ATM: variants seen among roughly 807,000 people sequenced by gnomAD.
ATM encodes the protein serine-protein kinase ATM.
ATM carries 308 observed loss-of-function variants against 387.0 expected under a neutral mutation model. The observed-to-expected ratio is 0.80, with a 90% confidence interval of 0.73 to 0.87. The LOEUF is 0.87. ATM is among the 40% of genes least tolerant of loss of function. ATM has a pLI of 0.00. For synonymous variants in ATM, 1,156 were observed against 1,187.3 expected, an observed-to-expected ratio of 0.97 and a Z score of 0.54; for missense variants, 3,312 against 3,560.9, an observed-to-expected ratio of 0.93 and a Z score of 1.78.
At chr11:108,224,039 G>A (rs1013743428) in intron 1 of ATM, 5 of 152,206 alleles carry the variant, frequency 3.3e-5, no homozygotes, top group South Asian at 2.1e-4. Flanking sequence ...GGAGACTTTC[G>A]AAACAGTCAT....
chr11:108,318,797 A>G (rs1220071872), intron 43 of ATM, among the ~76,000 whole-genome samples: 1 of 152,184 alleles, frequency 6.6e-6, no homozygotes, highest in Admixed American at 6.5e-5. Context: ...CTAATAAAGG[A>G]TTTCATATTT....
At chr11:108,267,830 C>T (rs1200651844) in intron 17 of ATM, among the ~76,000 whole-genome samples, 1 of 152,190 alleles carries the variant, frequency 6.6e-6, no homozygotes, top group Non-Finnish European at 1.5e-5. Context: ...TGCATTCCAG[C>T]CTGGGCGACA....
At chr11:108,351,644 T>C (rs1489650409) in intron 59 of ATM, among the ~76,000 whole-genome samples, 1 of 152,176 alleles carries the variant, frequency 6.6e-6, no homozygotes, top group African/African-American at 2.4e-5. Context: ...TCCACAATAG[T>C]GTCCTGGACC....
At chr11:108,349,648 G>A (rs1330220921) in intron 59 of ATM, among the ~76,000 whole-genome samples, 2 of 152,090 alleles carry the variant, frequency 1.3e-5, no homozygotes, top group African/African-American at 4.8e-5. Flanking sequence ...GGGCGGCAGA[G>A]CAAGACTGTC....
rs576757585 is a variant in ATM, at chr11:108,333,688, T to C, written c.7928-198T>C. Among the ~76,000 whole-genome samples, 3 of 152,346 alleles carry C rather than the reference T, an allele frequency of 2.0e-5. No homozygotes were observed. The South Asian group carries it at 6.2e-4, about 32-fold the overall frequency. ...CTTGTCAGGTAACCTGCAAATTTAC[T>C]TGAAGCTACATTAACCACTGTTGAG... On this transcript the variant is annotated intron_variant, in intron 53 of 62. Transcript: ENST00000675843.
At chr11:108,258,295 A>T (rs986174730) in intron 15 of ATM, among the ~76,000 whole-genome samples, 2 of 152,230 alleles carry the variant, frequency 1.3e-5, no homozygotes, top group African/African-American at 4.8e-5. Context: ...TTCTCATGAA[A>T]CTAATTTTAT....
chr11:108,302,797 A>G (rs2135925461), intron 35 of ATM, 56 bp from the exon 36 acceptor site: 1 of 1,485,820 alleles, frequency 6.7e-7, no homozygotes, highest in Non-Finnish European at 9.4e-7. Context: ...TTGTGTAGGA[A>G]AGGTACAATG....
chr11:108,359,806 G>A (rs1275101540), intron 61 of ATM, among the ~76,000 whole-genome samples: 6 of 152,120 alleles, frequency 3.9e-5, no homozygotes, highest in South Asian at 2.1e-4. Flanking sequence ...AGTGTGTAGA[G>A]GGAAATTTAT....
intron 1 of ATM, chr11:108,224,169 T>C (rs185303779): frequency 6.6e-6 from 1 of 152,174 alleles, no homozygotes; most frequent in Non-Finnish European, 1.5e-5. Context: ...CTTTTATCAT[T>C]GAGAAACTGA....
At chr11:108,231,729 A>T (rs2079023514) in intron 4 of ATM, 1 of 151,260 alleles carries the variant, frequency 6.6e-6, no homozygotes, top group Non-Finnish European at 1.5e-5. Flanking sequence ...AGAATCAGGA[A>T]AGCCCCCAAA....
chr11:108,245,588 A>G (rs2079807024), intron 7 of ATM, among the ~76,000 whole-genome samples: 1 of 152,032 alleles, frequency 6.6e-6, no homozygotes, highest in African/African-American at 2.4e-5. Context: ...ATTCTCCTTA[A>G]TTCCTTCATA....
intron 26 of ATM, among the ~76,000 whole-genome samples, chr11:108,285,689 C>G (rs528092460): frequency 5.9e-5 from 9 of 151,658 alleles, no homozygotes; most frequent in Non-Finnish European, 8.8e-5. Context: ...TTAGGTGGAC[C>G]TATTCAGAAC....
chr11:108,226,615 A>G (rs1425461276), intron 1 of ATM: 1 of 152,206 alleles, frequency 6.6e-6, no homozygotes, highest in African/African-American at 2.4e-5. Context: ...GACAAAGCTT[A>G]CTAGCTCTGA....
intron 37 of ATM, among the ~76,000 whole-genome samples, chr11:108,305,452 C>T (rs144920644): frequency 3.1e-4 from 47 of 152,076 alleles, no homozygotes; most frequent in South Asian, 1.0e-3. Context: ...TGGTGGCAGG[C>T]GCCTATAATT....
rs2088282275 is a variant in ATM at position 108,345,815 on chromosome 11, T to C, written c.8491T>C (p.Phe2831Leu). Residue 2831 changes from phenylalanine (F) to leucine (L), a missense_variant, in exon 58 of 63, where the codon TTC (phenylalanine) becomes CTC (leucine). By Grantham distance (22) the Phe-to-Leu change is conservative (BLOSUM62 0). This residue lies in a region of ATM where 1,405 missense variants were observed against 1,604.4 expected (regional missense o/e 0.88). Transcript: ENST00000675843. Reference sequence around the variant, plus strand: ...TGTTTGCCAAAATTTTCAACCAGTTTTCCGTTACTTCTGCATGGAAAAATT... The same window carrying C: ...TGTTTGCCAAAATTTTCAACCAGTTCTCCGTTACTTCTGCATGGAAAAATT... ...MDVCQNFQPV[F>L]RYFCMEKFLD... 6.2e-7 allele frequency: 1 copy of C among 1,613,796 alleles called. No homozygotes were observed. The highest frequency in any genetic ancestry group is 1.1e-5 in the South Asian group (1 of 91,076).
intron 59 of ATM, 30 bp from the exon 60 acceptor site, chr11:108,353,734 ACC>A: frequency 6.5e-7 from 1 of 1,530,456 alleles, no homozygotes; most frequent in Non-Finnish European, 9.1e-7. Context: ...TAGCTGTCAA[ACC>A]TCCTAACTTC....
chr11:108,306,796 GTCATCTTCTTCA>G, intron 37 of ATM, among the ~76,000 whole-genome samples: 1 of 152,280 alleles, frequency 6.6e-6, no homozygotes, highest in South Asian at 2.1e-4. Flanking sequence ...AAGCAAACGT[GTCATCTTCTTCA>G]TCCCTTCCCC....
At chr11:108,328,449 T>C (rs4988117) in intron 48 of ATM, among the ~76,000 whole-genome samples, 7,361 of 152,138 alleles carry the variant, frequency 0.048, 615 homozygotes, top group African/African-American at 0.17. Flanking sequence ...TTTCGCCACA[T>C]TGGCCAGTCT....
At position 108,328,881 on chromosome 11, in the gene ATM, A is replaced by G. The variant is rs2136404473; in HGVS notation, c.7090-140A>G. 9.5e-6 allele frequency: 9 copies of G among 949,006 alleles called. No homozygotes were observed. The South Asian group carries it at 1.5e-4, about 16-fold the overall frequency. 58.8% of individuals were successfully genotyped at this position (949,006 alleles called of 1,614,324 possible). On this transcript the variant is annotated intron_variant, in intron 48 of 62. Transcript: ENST00000675843. ...CGGCCCATGGGCCGTGGGTTGGACA[A>G]GTTTGCAATAGTTCATATAATTTAG...
Sources: allele counts gnomAD v4.1 joint callset (sites outside exome capture counted in the v4.1 genomes callset), GRCh38; gene constraint gnomAD v4.1.1; regional missense constraint gnomAD v4.1.1; transcripts MANE v1.5; gene names NCBI Gene and HGNC (gene_info 2026-07-23, HGNC 2026-07-21).